FSIP1: variants seen among roughly 807,000 people sequenced by gnomAD.
The protein encoded by FSIP1 is fibrous sheath interacting protein 1.
A neutral mutation model predicts 60.9 loss-of-function variants in FSIP1; 65 were observed. The observed-to-expected ratio is 1.07, with a 90% CI of 0.87 to 1.31. The LOEUF is 1.31. FSIP1 is among the 40% of genes most tolerant of loss of function. FSIP1 has a pLI of 0.00. For synonymous variants in FSIP1, 209 were observed against 221.2 expected (o/e 0.94, Z 0.49); for missense variants, 675 against 665.5 (o/e 1.01, Z -0.16).
At chr15:39,679,760 A>G (rs1894084207) in intron 10 of FSIP1, among the ~76,000 whole-genome samples, 1 of 152,232 alleles carries the variant, frequency 6.6e-6, no homozygotes, top group Non-Finnish European at 1.5e-5. Flanking sequence ...GTATTAATTG[A>G]TTAAGGGGGG....
chr15:39,631,466 T>C (rs2140403320), intron 10 of FSIP1, among the ~76,000 whole-genome samples: 1 of 152,272 alleles, frequency 6.6e-6, no homozygotes, highest in South Asian at 2.1e-4. Flanking sequence ...ACAGACAAAC[T>C]GGTTGAAAGG....
chr15:39,763,700 C>T, intron 5 of FSIP1, 121 bp downstream of exon 5: 1 of 634,870 alleles, frequency 1.6e-6, no homozygotes, highest in East Asian at 2.6e-5. Context: ...AATTATTTCC[C>T]TAAAGAACAG....
At chr15:39,639,992 A>T (rs1892294645) in intron 10 of FSIP1, among the ~76,000 whole-genome samples, 2 of 152,218 alleles carry the variant, frequency 1.3e-5, no homozygotes, top group South Asian at 2.1e-4. Flanking sequence ...CCTAGCACCT[A>T]ACAGGGTACC....
At chr15:39,778,262 G>C (rs1483875680) in intron 1 of FSIP1, among the ~76,000 whole-genome samples, 4 of 152,162 alleles carry the variant, frequency 2.6e-5, no homozygotes, top group African/African-American at 7.2e-5. Flanking sequence ...AGCTTGCAGA[G>C]GGAGCAATGA....
intron 5 of FSIP1, 90 bp from the exon 6 acceptor site, chr15:39,741,990 T>A: frequency 1.4e-6 from 1 of 701,334 alleles, no homozygotes; most frequent in Middle Eastern, 3.7e-4. Flanking sequence ...ACATTTAATA[T>A]TCTCTCCAGT....
chr15:39,761,230 C>G (rs1174616290), intron 5 of FSIP1, among the ~76,000 whole-genome samples: 1 of 152,134 alleles, frequency 6.6e-6, no homozygotes, highest in Non-Finnish European at 1.5e-5. Flanking sequence ...GGCATTTACC[C>G]AAAAGCTTTG....
intron 10 of FSIP1, among the ~76,000 whole-genome samples, chr15:39,676,152 G>T (rs951369855): frequency 2.3e-5 from 3 of 128,578 alleles, no homozygotes; most frequent in African/African-American, 5.8e-5. Context: ...CAGCCTGGGT[G>T]ACAGAGTGAG....
intron 10 of FSIP1, among the ~76,000 whole-genome samples, chr15:39,684,188 T>G (rs1894274033): frequency 6.6e-6 from 1 of 152,138 alleles, no homozygotes; most frequent in African/African-American, 2.4e-5. Context: ...ATTTTAAAAT[T>G]TAATATAAAG....
chr15:39,679,806 A>G (rs1418794715), intron 10 of FSIP1, among the ~76,000 whole-genome samples: 1 of 152,222 alleles, frequency 6.6e-6, no homozygotes, highest in Non-Finnish European at 1.5e-5. Flanking sequence ...CATCACAGGC[A>G]TCTCCCTAGC....
chr15:39,776,134 G>A (rs551347054), intron 2 of FSIP1, among the ~76,000 whole-genome samples: 1 of 139,480 alleles, frequency 7.2e-6, no homozygotes, highest in African/African-American at 2.6e-5. Context: ...AGGTGGGAGG[G>A]AGGGAGGGGA....
At position 39,770,630 on chromosome 15, in the gene FSIP1, A is replaced by C. The variant is rs2140720939; in HGVS notation, c.127-20T>G. On this transcript the variant is annotated intron_variant, in intron 2 of 11. Transcript: ENST00000350221. ...ATCGACCTAAAAATAATTTCAAAAA[A>C]AAAACAGTTTCCGAAAATACTGTCT... The C allele has an allele frequency of 7.0e-7, 1 of 1,430,964 alleles. No homozygotes were observed. Among genetic ancestry groups the C allele is most frequent in the East Asian group, 2.5e-5 (1 of 40,262 alleles). 88.6% of individuals were successfully genotyped at this position (1,430,964 alleles called of 1,614,324 possible). A position where few individuals can be genotyped will look rare whatever the true frequency, so the allele number is the denominator to read the frequency against.
intron 1 of FSIP1, among the ~76,000 whole-genome samples, chr15:39,782,011 T>C (rs1334539186): frequency 1.3e-5 from 2 of 152,254 alleles, no homozygotes; most frequent in Admixed American, 6.5e-5. Context: ...AATCTTTCTT[T>C]AGTTATGCTC....
At chr15:39,692,354 C>T (rs1044487950) in intron 10 of FSIP1, among the ~76,000 whole-genome samples, 2 of 152,188 alleles carry the variant, frequency 1.3e-5, no homozygotes, top group Non-Finnish European at 2.9e-5. Flanking sequence ...TATGTTTCTA[C>T]AAATTGTGCT....
intron 10 of FSIP1, among the ~76,000 whole-genome samples, chr15:39,680,426 A>C (rs1894114960): frequency 6.6e-6 from 1 of 152,184 alleles, no homozygotes; most frequent in Non-Finnish European, 1.5e-5. Flanking sequence ...CCATACAGTC[A>C]CTTAACTCAA....
intron 10 of FSIP1, among the ~76,000 whole-genome samples, chr15:39,656,467 T>C (rs1283360066): frequency 6.6e-6 from 1 of 152,158 alleles, no homozygotes; most frequent in East Asian, 1.9e-4. Context: ...CTCCTTCCTC[T>C]AAAACTAACG....
At chr15:39,616,772 A>G (rs1219946692) in intron 11 of FSIP1, among the ~76,000 whole-genome samples, 1 of 152,222 alleles carries the variant, frequency 6.6e-6, no homozygotes, top group Non-Finnish European at 1.5e-5. Context: ...TGCTTTAAGG[A>G]AATTCGTTTA....
chr15:39,656,435 C>T (rs905514632), intron 10 of FSIP1, among the ~76,000 whole-genome samples: 7 of 152,182 alleles, frequency 4.6e-5, no homozygotes, highest in Admixed American at 3.9e-4. Flanking sequence ...TCTGGCTTTT[C>T]GACACCTCTA....
At chr15:39,643,814 A>G (rs896429079) in intron 10 of FSIP1, among the ~76,000 whole-genome samples, 2 of 152,250 alleles carry the variant, frequency 1.3e-5, no homozygotes, top group Non-Finnish European at 2.9e-5. Flanking sequence ...TTCAGCATAT[A>G]TTATTTCATA....
chr15:39,735,663 AT>A (rs1314769168), intron 8 of FSIP1, among the ~76,000 whole-genome samples: 1 of 152,202 alleles, frequency 6.6e-6, no homozygotes, highest in Admixed American at 6.5e-5. Flanking sequence ...TAATAAAGGA[AT>A]TTTTACTGTA....
Sources: gnomAD v4.1 joint callset for allele counts (sites outside exome capture counted in the v4.1 genomes callset) on GRCh38, gnomAD v4.1.1 for gene constraint, MANE v1.5 for transcripts, NCBI Gene and HGNC (gene_info 2026-07-23, HGNC 2026-07-21) for gene names.